FKBP7: variants seen among roughly 807,000 people sequenced by gnomAD.
The protein encoded by FKBP7 is FKBP prolyl isomerase 7, also known as peptidyl-prolyl cis-trans isomerase FKBP7.
A neutral mutation model predicts 24.3 loss-of-function variants in FKBP7; 24 were observed. The observed-to-expected ratio is 0.99, with a 90% CI of 0.72 to 1.39. FKBP7 has a LOEUF of 1.39. Ranked by LOEUF, FKBP7 falls within the 40% of genes most tolerant of loss-of-function variation. The probability of loss-of-function intolerance (pLI) is 0.00; values close to 1 mark genes in which losing one functional copy is unlikely to be tolerated. For missense variants in FKBP7, 257 were observed against 269.5 expected (o/e 0.95, Z 0.33); for synonymous variants, 98 against 92.8 (o/e 1.06, Z -0.32).
intron 2 of FKBP7, 70 bp downstream of exon 2, chr2:178,476,992 A>G: frequency 8.7e-7 from 1 of 1,149,066 alleles, no homozygotes; most frequent in Non-Finnish European, 1.2e-6. Context: ...TTTCAGACCT[A>G]TATACCCAGA....
chr2:178,468,463 G>T (rs1475873748), intron 3 of FKBP7, among the ~76,000 whole-genome samples: 1 of 151,690 alleles, frequency 6.6e-6, no homozygotes, highest in African/African-American at 2.4e-5. Flanking sequence ...GACTAGCCTG[G>T]GCAATGTAGT....
Position 178,465,099 on chromosome 2 carries a change from A to G in FKBP7, c.*671T>C, listed in dbSNP as rs1684617805. 6.6e-6 allele frequency: 1 copy of G among 152,218 alleles called. No individual in the cohort carries two copies. Among genetic ancestry groups the G allele is most frequent in the Non-Finnish European group, 1.5e-5 (1 of 68,048 alleles). The allele number at this position is 152,218 out of a possible 1,614,324, so 9.4% of individuals were successfully genotyped here. ...AAGGAATACAAAAGCCAGGCAGTAC[A>G]GTCTTTATGCTTGCTATAAGAGGCA... On this transcript the variant is annotated 3_prime_UTR_variant, in exon 4 of 4. Transcript: ENST00000424785.
At chr2:178,473,585 C>T (rs1038710756) in intron 2 of FKBP7, among the ~76,000 whole-genome samples, 1 of 152,180 alleles carries the variant, frequency 6.6e-6, no homozygotes, top group Non-Finnish European at 1.5e-5. Context: ...TGCCTGATGG[C>T]GGTGAACCCT....
intron 3 of FKBP7, among the ~76,000 whole-genome samples, chr2:178,468,488 T>TA (rs748822390): frequency 1.1e-3 from 160 of 139,788 alleles, no homozygotes; most frequent in South Asian, 1.1e-3. Context: ...CTCCATCTCT[T>TA]AAAAAAAAAA....
Position 178,478,435 on chromosome 2 carries a change from G to A in FKBP7, c.65C>T (p.Thr22Ile). ...IVFFYLWGLFTAQRQKKEEST... is the reference protein window; with the variant it reads ...IVFFYLWGLFIAQRQKKEEST... Reference sequence around the variant, plus strand: ...CTCCTCTTTCTTTTGTCTCTGAGCAGTAAAAAGGCCCCACAGATAAAAGAA... The same window carrying A: ...CTCCTCTTTCTTTTGTCTCTGAGCAATAAAAAGGCCCCACAGATAAAAGAA... Residue 22 changes from threonine to isoleucine, a missense_variant, in exon 1 of 4, where the codon ACT becomes ATT. By Grantham distance (89) the Thr-to-Ile change is moderately conservative. Coordinates refer to ENST00000424785, the MANE Select transcript of FKBP7 (RefSeq NM_181342.3). 3.7e-6 allele frequency: 6 copies of A among 1,614,198 alleles called. No individual in the cohort carries two copies. Among genetic ancestry groups the A allele is most frequent in the Non-Finnish European group, 5.1e-6 (6 of 1,180,040 alleles).
rs202059949 is a variant in FKBP7 at position 178,472,901 on chromosome 2, G to GTT, written c.374-3118_374-3117dup. Reference sequence around the variant, plus strand: ...ATATTGCCAATTACCTCTTTTTCTTGTTTTTTTTTTTTTTTTAAAAAAAAC... The same window carrying GTT: ...ATATTGCCAATTACCTCTTTTTCTTGTTTTTTTTTTTTTTTTTTAAAAAAAAC... On this transcript the variant is annotated intron_variant, in intron 2 of 3. Coordinates refer to ENST00000424785, the MANE Select transcript of FKBP7 (RefSeq NM_181342.3). 7.2e-3 allele frequency: 1,283 copies of GTT among 177,118 alleles called. 1 individual carries two copies. Among genetic ancestry groups the GTT allele is most frequent in the South Asian group, 0.011 (182 of 16,288 alleles). The allele number at this position is 177,118 out of a possible 1,614,324, so 11.0% of individuals were successfully genotyped here.
intron 3 of FKBP7, among the ~76,000 whole-genome samples, chr2:178,467,010 A>G (rs1338651407): frequency 1.3e-5 from 2 of 152,256 alleles, no homozygotes; most frequent in Admixed American, 6.5e-5. Flanking sequence ...ACTGTTCTCA[A>G]ATGGGACTTT....
At chr2:178,469,123 G>A (rs1279714408) in intron 3 of FKBP7, among the ~76,000 whole-genome samples, 3 of 151,964 alleles carry the variant, frequency 2.0e-5, no homozygotes, top group African/African-American at 7.3e-5. Context: ...CTCCCACCTC[G>A]GCCTCTCAAA....
chr2:178,473,012 A>G, intron 2 of FKBP7: 1 of 1,142,232 alleles, frequency 8.8e-7, no homozygotes, highest in Non-Finnish European at 1.2e-6. Flanking sequence ...GAATTAAGGT[A>G]AAGAATATAT....
intron 2 of FKBP7, among the ~76,000 whole-genome samples, chr2:178,472,736 C>A (rs963518026): frequency 2.0e-5 from 3 of 151,472 alleles, no homozygotes; most frequent in Admixed American, 2.0e-4. Context: ...GTAATCCCAG[C>A]TCCTCGGAGG....
Position 178,465,576 on chromosome 2 carries a change from CA to C in FKBP7, c.*193del. The C allele has an allele frequency of 2.3e-6, 1 of 427,586 alleles. No individual in the cohort carries two copies. Among genetic ancestry groups the C allele is most frequent in the Non-Finnish European group, 4.0e-6 (1 of 249,042 alleles). 26.5% of individuals were successfully genotyped at this position (427,586 alleles called of 1,614,324 possible). On this transcript the variant is annotated 3_prime_UTR_variant, in exon 4 of 4. Coordinates refer to ENST00000424785, the MANE Select transcript of FKBP7 (RefSeq NM_181342.3). ...GTTTACAGAATAAAGCAGTAGGAAACACAGTCATACCATTCCTGCAAGTTAA... is the reference window on the plus strand; with the variant it reads ...GTTTACAGAATAAAGCAGTAGGAAACCAGTCATACCATTCCTGCAAGTTAA...
Position 178,465,849 on chromosome 2 carries a change from A to T in FKBP7, c.590T>A (p.Ile197Asn). 1 of 1,612,704 alleles carries T rather than the reference A, an allele frequency of 6.2e-7. No individual in the cohort carries two copies. Among genetic ancestry groups the T allele is most frequent in the Non-Finnish European group, 8.5e-7 (1 of 1,179,372 alleles). ...KSYQDAVLEDIFKKNDHDGDG... is the reference protein window; with the variant it reads ...KSYQDAVLEDNFKKNDHDGDG... ...ACCATCATGGTCATTCTTCTTAAAA[A>T]TATCTTCTAAAACTGCATCCTGATA... is the stretch of plus-strand genomic sequence containing the variant. Residue 197 changes from isoleucine to asparagine, a missense_variant, in exon 4 of 4, where the codon ATT becomes AAT. Physicochemically the swap from Ile to Asn is moderately radical, Grantham distance 149. Coordinates refer to ENST00000424785, the MANE Select transcript of FKBP7 (RefSeq NM_181342.3).
At chr2:178,472,244 T>C (rs564344714) in intron 2 of FKBP7, among the ~76,000 whole-genome samples, 25 of 152,010 alleles carry the variant, frequency 1.6e-4, no homozygotes, top group African/African-American at 6.0e-4. Flanking sequence ...CCAGCTATTT[T>C]TTGTATTTTT....
chr2:178,466,263 C>A (rs1337890352), intron 3 of FKBP7, among the ~76,000 whole-genome samples: 1 of 152,014 alleles, frequency 6.6e-6, no homozygotes, highest in Non-Finnish European at 1.5e-5. Flanking sequence ...CGCATGACTG[C>A]CATTAGTGAA....
chr2:178,473,920 A>G (rs1684926515), intron 2 of FKBP7, among the ~76,000 whole-genome samples: 2 of 152,240 alleles, frequency 1.3e-5, no homozygotes, highest in Non-Finnish European at 2.9e-5. Flanking sequence ...TGATGGGATC[A>G]AATTATTGGC....
intron 2 of FKBP7, among the ~76,000 whole-genome samples, chr2:178,474,685 G>T (rs1225496415): frequency 1.3e-5 from 2 of 152,122 alleles, no homozygotes; most frequent in African/African-American, 4.8e-5. Context: ...GTGGAATATA[G>T]TCTTGTCCAC....
Position 178,478,441 on chromosome 2 carries a change from A to G in FKBP7, c.59T>C (p.Leu20Pro). 1.2e-6 allele frequency: 2 copies of G among 1,614,242 alleles called. No homozygotes were observed. Among genetic ancestry groups the G allele is most frequent in the Non-Finnish European group, 1.7e-6 (2 of 1,180,038 alleles). The change falls in exon 1 of 4, where the codon CTT (leucine) becomes CCT (proline). Residue 20 changes from leucine to proline, a missense_variant. Physicochemically the swap from Leu to Pro is moderately conservative, Grantham distance 98. Coordinates refer to ENST00000424785, the MANE Select transcript of FKBP7 (RefSeq NM_181342.3). ...TTTCTTTTGTCTCTGAGCAGTAAAA[A>G]GGCCCCACAGATAAAAGAAAACAAT... is the stretch of plus-strand genomic sequence containing the variant. ...RFIVFFYLWG[L>P]FTAQRQKKEE... is the part of the protein sequence containing the mutation.
intron 2 of FKBP7, among the ~76,000 whole-genome samples, chr2:178,470,906 C>T (rs1429790662): frequency 6.6e-6 from 1 of 152,158 alleles, no homozygotes; most frequent in Non-Finnish European, 1.5e-5. Context: ...GAGACGGCGT[C>T]TCACTCTGTT....
At chr2:178,476,402 G>A (rs966258102) in intron 2 of FKBP7, among the ~76,000 whole-genome samples, 1 of 152,144 alleles carries the variant, frequency 6.6e-6, no homozygotes, top group African/African-American at 2.4e-5. Context: ...ATTTTCAAGT[G>A]TGTTGTTCAG....
Sources: allele counts gnomAD v4.1 joint callset (sites outside exome capture counted in the v4.1 genomes callset), GRCh38; gene constraint gnomAD v4.1.1; transcripts MANE v1.5; gene names NCBI Gene and HGNC (gene_info 2026-07-23, HGNC 2026-07-21).